HMCN1: variants seen among roughly 807,000 people sequenced by gnomAD.
HMCN1 encodes the protein hemicentin 1.
A neutral mutation model predicts 625.9 loss-of-function variants in HMCN1; 321 were observed. The ratio of observed to expected loss-of-function variants is 0.51; its 90% confidence interval spans 0.47 to 0.56. HMCN1 has a LOEUF of 0.56. Ranked by LOEUF, HMCN1 falls within the 20% of genes least tolerant of loss-of-function variation. The pLI, the probability that HMCN1 is intolerant of heterozygous loss-of-function variation, is 0.00. For synonymous variants in HMCN1, 2,425 were observed against 2,417.6 expected (o/e 1.00, Z -0.09); for missense variants, 6,588 against 6,887.3 (o/e 0.96, Z 1.54).
At chr1:185,928,744 G>A in intron 10 of HMCN1, 77 bp downstream of exon 10, 1 of 1,462,470 alleles carries the variant, frequency 6.8e-7, no homozygotes, top group Non-Finnish European at 9.6e-7. Flanking sequence ...TAACCAGTTT[G>A]TGTTTATACA....
At chr1:186,116,474 G>A (rs1201222448) in intron 75 of HMCN1, among the ~76,000 whole-genome samples, 1 of 151,402 alleles carries the variant, frequency 6.6e-6, no homozygotes, top group African/African-American at 2.4e-5. Flanking sequence ...TATCTACAAG[G>A]TAGCCACACA....
intron 30 of HMCN1, among the ~76,000 whole-genome samples, chr1:186,008,531 G>A (rs1653786207): frequency 6.6e-6 from 1 of 152,042 alleles, no homozygotes; most frequent in Admixed American, 6.6e-5. Context: ...ACATATGTGA[G>A]TTTGCATTTG....
At chr1:185,753,866 C>T (rs1349055932) in intron 1 of HMCN1, among the ~76,000 whole-genome samples, 1 of 152,022 alleles carries the variant, frequency 6.6e-6, no homozygotes, top group African/African-American at 2.4e-5. Flanking sequence ...TGTGGAGATT[C>T]CTCAAAAAAC....
chr1:186,141,289 C>T (rs1328116602), intron 89 of HMCN1, among the ~76,000 whole-genome samples: 1 of 151,780 alleles, frequency 6.6e-6, no homozygotes, highest in East Asian at 1.9e-4. Context: ...GATTGAGGAC[C>T]CCTGGTTTAT....
rs188899904 is a variant in HMCN1 at position 186,182,100 on chromosome 1, A to G, written c.16295-68A>G. Reference sequence around the variant, plus strand: ...TAATGTATATCAACAACTTGATGAGAGTTGGCTCTGTCACAGTGTCTGCTT... The same window carrying G: ...TAATGTATATCAACAACTTGATGAGGGTTGGCTCTGTCACAGTGTCTGCTT... On this transcript the variant is annotated intron_variant, in intron 104 of 106. Transcript: ENST00000271588. 664 of 1,573,934 alleles carry G rather than the reference A, an allele frequency of 4.2e-4. 6 individuals are homozygous for G. In the South Asian group the frequency reaches 4.9e-3, roughly 12 times the overall value.
chr1:185,885,537 C>G (rs1307116494), intron 4 of HMCN1, among the ~76,000 whole-genome samples: 1 of 149,214 alleles, frequency 6.7e-6, no homozygotes, highest in Non-Finnish European at 1.5e-5. Flanking sequence ...TTCCTTTTCT[C>G]TAAACCACTA....
chr1:185,973,848 A>G (rs927522462), intron 15 of HMCN1, among the ~76,000 whole-genome samples: 4 of 152,150 alleles, frequency 2.6e-5, no homozygotes, highest in African/African-American at 9.7e-5. Context: ...CATACCACAC[A>G]GGGTTTGAGA....
chr1:185,910,662 C>T (rs780108106), intron 5 of HMCN1, among the ~76,000 whole-genome samples: 3 of 151,646 alleles, frequency 2.0e-5, no homozygotes, highest in Non-Finnish European at 4.4e-5. Context: ...CCTCTCCCTC[C>T]TGGGTTCAAA....
intron 4 of HMCN1, among the ~76,000 whole-genome samples, chr1:185,891,824 G>A (rs1031173624): frequency 3.4e-5 from 5 of 147,698 alleles, no homozygotes; most frequent in Admixed American, 6.6e-5. Context: ...TCTTTGTGGC[G>A]TTCTCTCTAT....
intron 1 of HMCN1, among the ~76,000 whole-genome samples, chr1:185,820,719 G>A (rs144603523): frequency 7.6e-4 from 115 of 152,166 alleles, no homozygotes; most frequent in South Asian, 2.9e-3. Flanking sequence ...AAGGCCATTC[G>A]CTAAAAGCAT....
Position 186,023,169 on chromosome 1 carries a change from C to A in HMCN1, c.5749+16C>A. The A allele has an allele frequency of 6.2e-7, 1 of 1,608,718 alleles. No individual in the cohort carries two copies. Among genetic ancestry groups the A allele is most frequent in the Non-Finnish European group, 8.5e-7 (1 of 1,175,696 alleles). On this transcript the variant is annotated intron_variant, in intron 36 of 106. Transcript: ENST00000271588. ...CATGTTCATGGTAATGTAATTTCTA[C>A]ACCTTAACAAAAGAATATTTGTATC...
chr1:186,078,165 T>C lies in HMCN1; in HGVS notation c.8544T>C (p.Cys2848=). Residue 2848 remains cysteine (C), a synonymous_variant, in exon 55 of 107, where the codon TGT becomes TGC. Transcript: ENST00000271588. ...AKVEDAGRYT[C]VAVNEAGEDS... is the part of the protein sequence containing the mutation. The stretch of plus-strand genomic sequence containing the variant: ...TAGAAGATGCTGGGAGATACACATG[T>C]GTGGCTGTGAATGAGGCTGGAGAAG... 6.2e-7 allele frequency: 1 copy of C among 1,613,878 alleles called. No homozygotes were observed. Among genetic ancestry groups the C allele is most frequent in the South Asian group, 1.1e-5 (1 of 91,070 alleles).
chr1:185,974,652 G>A (rs561068754), intron 15 of HMCN1, among the ~76,000 whole-genome samples: 2 of 152,220 alleles, frequency 1.3e-5, no homozygotes, highest in South Asian at 4.1e-4. Flanking sequence ...TTCAGGAGTA[G>A]GAAGTATTTA....
intron 93 of HMCN1, among the ~76,000 whole-genome samples, chr1:186,150,109 C>A (rs1571422275): frequency 6.8e-6 from 1 of 147,594 alleles, no homozygotes; most frequent in South Asian, 2.2e-4. Context: ...TCTCATCACA[C>A]GGTTGCCACA....
intron 18 of HMCN1, 111 bp downstream of exon 18, chr1:185,982,500 G>A: frequency 9.7e-7 from 1 of 1,029,196 alleles, no homozygotes; most frequent in Non-Finnish European, 1.5e-6. Context: ...GAGTGCAGTG[G>A]TGGGATCTAG....
At chr1:185,922,609 C>G (rs917441441) in intron 7 of HMCN1, 110 bp downstream of exon 7, 10 of 1,036,112 alleles carry the variant, frequency 9.7e-6, no homozygotes, top group Non-Finnish European at 1.4e-5. Context: ...AATTGAGAAG[C>G]ATAGCTTTAA....
Position 186,125,634 on chromosome 1 carries a change from A to G in HMCN1, c.12530A>G (p.His4177Arg). Reference sequence around the variant, plus strand: ...CCCAGGATCAGAAGTACAGAAGGACACTACACGGTCAATGAGAATTCACAA... The same window carrying G: ...CCCAGGATCAGAAGTACAGAAGGACGCTACACGGTCAATGAGAATTCACAA... The part of the protein sequence containing the change: ...VPPRIRSTEG[H>R]YTVNENSQAI... Residue 4177 changes from histidine to arginine, a missense_variant, in exon 82 of 107, where the codon CAC (histidine) becomes CGC (arginine). Transcript: ENST00000271588. The G allele has an allele frequency of 6.2e-7, 1 of 1,613,418 alleles. No homozygotes were observed. The highest frequency in any genetic ancestry group is 8.5e-7 in the Non-Finnish European group (1 of 1,179,448).
chr1:185,780,872 T>C (rs1175995738), intron 1 of HMCN1, among the ~76,000 whole-genome samples: 1 of 152,202 alleles, frequency 6.6e-6, no homozygotes, highest in Non-Finnish European at 1.5e-5. Context: ...TAAAATGAGT[T>C]AGGGAGGATT....
chr1:186,112,739 T>C, intron 71 of HMCN1, 73 bp from the exon 72 acceptor site: 1 of 1,569,068 alleles, frequency 6.4e-7, no homozygotes, highest in Non-Finnish European at 8.7e-7. Flanking sequence ...TACTTACTTT[T>C]GATGCTGTGA....
Sources: allele counts gnomAD v4.1 joint callset (sites outside exome capture counted in the v4.1 genomes callset), GRCh38; gene constraint gnomAD v4.1.1; transcripts MANE v1.5; gene names NCBI Gene and HGNC (gene_info 2026-07-23, HGNC 2026-07-21).